DMD: variants seen among roughly 807,000 people sequenced by gnomAD.
DMD encodes mutant dystrophin.
DMD carries 63 observed loss-of-function variants against 330.1 expected under a neutral mutation model. The observed-to-expected ratio is 0.19, with a 90% CI of 0.16 to 0.24. DMD has a LOEUF of 0.24. Among genes scored for constraint, DMD ranks in the 10% least tolerant of loss-of-function variants. DMD has a pLI of 1.00. For synonymous variants in DMD, 1,223 were observed against 959.8 expected (o/e 1.27, Z -5.07); for missense variants, 3,344 against 2,684.1 (o/e 1.25, Z -5.43).
chrX:32,380,539 T>C lies in DMD; in HGVS notation c.4816A>G (p.Asn1606Asp). The change falls in exon 34 of 79, where the codon AAT becomes GAT. Residue 1606 changes from asparagine (N) to aspartate (D), a missense_variant. By Grantham distance (23) the Asn-to-Asp change is conservative. Coordinates refer to ENST00000357033, the MANE Select transcript of DMD (RefSeq NM_004006.3). ...CCCCAGGCAACTTCAGAATCCAAATTACTAGGCATTCCTTCAACTGCTGAT... is the reference window on the plus strand; with the variant it reads ...CCCCAGGCAACTTCAGAATCCAAATCACTAGGCATTCCTTCAACTGCTGAT... ...KRSAVEGMPSNLDSEVAWGKA... is the reference protein window; with the variant it reads ...KRSAVEGMPSDLDSEVAWGKA... 2 of 1,210,801 alleles carry C rather than the reference T, an allele frequency of 1.7e-6. No individual in the cohort carries two copies. Among genetic ancestry groups the C allele is most frequent in the Non-Finnish European group, 2.2e-6 (2 of 894,977 alleles).
chrX:32,005,995 G>A (rs1166930353), intron 44 of DMD, among the ~76,000 whole-genome samples: 1 of 111,437 alleles, frequency 9.0e-6, no homozygotes, highest in African/African-American at 3.3e-5. Flanking sequence ...GATTTCCTAA[G>A]TCTTCCAATA....
chrX:32,236,976 T>A lies in DMD; in HGVS notation c.6291-19913A>T, dbSNP rs939539514. ...TTTTCTTAAATTATGACATAAATCC[T>A]TTATTGTTTTAGTATTGCAAATATA... On this transcript the variant is annotated intron_variant, in intron 43 of 78. Transcript: ENST00000357033. Among the ~76,000 whole-genome samples the A allele has an allele frequency of 7.1e-5, 8 of 112,001 alleles. No homozygotes were observed. The South Asian group carries it at 3.0e-3, about 41-fold the overall frequency.
At chrX:32,578,533 G>A (rs1316702940) in intron 13 of DMD, among the ~76,000 whole-genome samples, 1 of 111,707 alleles carries the variant, frequency 9.0e-6, no homozygotes, top group Admixed American at 9.6e-5. Flanking sequence ...ATTGTTGTAC[G>A]TGCCAAGGAC....
intron 54 of DMD, among the ~76,000 whole-genome samples, chrX:31,648,413 A>G (rs995464160): frequency 9.2e-6 from 1 of 108,612 alleles, no homozygotes; most frequent in African/African-American, 3.3e-5. Context: ...AAATGCCACA[A>G]AAACACACAG....
At chrX:32,633,978 G>C (rs1263164262) in intron 11 of DMD, among the ~76,000 whole-genome samples, 1 of 111,727 alleles carries the variant, frequency 9.0e-6, no homozygotes, top group Non-Finnish European at 1.9e-5. Flanking sequence ...CGTGAGATTT[G>C]AGCAGGCACA....
chrX:31,271,923 T>G (rs773454005), intron 62 of DMD, among the ~76,000 whole-genome samples: 1 of 111,254 alleles, frequency 9.0e-6, no homozygotes, highest in Non-Finnish European at 1.9e-5. Flanking sequence ...AACCAACATC[T>G]TCTGGATGTA....
chrX:32,528,624 T>A (rs2047146157), intron 17 of DMD, among the ~76,000 whole-genome samples: 1 of 111,280 alleles, frequency 9.0e-6, no homozygotes, highest in Non-Finnish European at 1.9e-5. Context: ...CATGCCTCAT[T>A]ATACCTCTCT....
chrX:32,477,680 A>G (rs1231608574), intron 21 of DMD, among the ~76,000 whole-genome samples: 2 of 111,118 alleles, frequency 1.8e-5, no homozygotes, highest in African/African-American at 6.5e-5. Context: ...AGACATAACT[A>G]TCGAGATAAA....
intron 2 of DMD, among the ~76,000 whole-genome samples, chrX:32,921,317 G>A (rs774515840): frequency 1.5e-4 from 17 of 111,353 alleles, no homozygotes; most frequent in South Asian, 3.8e-4. Context: ...CAAAGAAAAC[G>A]AACAGAATTC....
At chrX:31,454,768 T>C (rs1390773225) in intron 59 of DMD, among the ~76,000 whole-genome samples, 1 of 110,041 alleles carries the variant, frequency 9.1e-6, no homozygotes, top group East Asian at 2.8e-4. Context: ...TTATTTTATT[T>C]TTCAGACAGG....
At chrX:32,410,474 A>G (rs2098137094) in intron 30 of DMD, among the ~76,000 whole-genome samples, 1 of 112,011 alleles carries the variant, frequency 8.9e-6, no homozygotes. Flanking sequence ...ACACCTATTA[A>G]CGGTGATTCA....
chrX:31,798,239 G>C, intron 50 of DMD, among the ~76,000 whole-genome samples: 1 of 110,922 alleles, frequency 9.0e-6, no homozygotes, highest in African/African-American at 3.3e-5. Context: ...TTTTTTGTGA[G>C]CATAAATTTA....
intron 42 of DMD, among the ~76,000 whole-genome samples, chrX:32,304,688 A>G (rs770538548): frequency 9.0e-6 from 1 of 111,515 alleles, no homozygotes; most frequent in Non-Finnish European, 1.9e-5. Context: ...ATAGCAAATC[A>G]ATCAAATAAA....
intron 7 of DMD, among the ~76,000 whole-genome samples, chrX:32,721,246 G>A (rs1027392585): frequency 6.3e-5 from 7 of 110,496 alleles, no homozygotes; most frequent in African/African-American, 2.3e-4. Flanking sequence ...GGGTCATATG[G>A]TAGTTCTATT....
rs749455003 is a variant in DMD, at chrX:32,249,609, G to A, written c.6291-32546C>T. Among the ~76,000 whole-genome samples the A allele has an allele frequency of 6.3e-5, 7 of 111,437 alleles. No individual in the cohort carries two copies. The South Asian group carries it at 2.6e-3, about 42-fold the overall frequency. On this transcript the variant is annotated intron_variant, in intron 43 of 78. Coordinates refer to ENST00000357033, the MANE Select transcript of DMD (RefSeq NM_004006.3). The stretch of plus-strand genomic sequence containing the variant: ...CTTGCCAAAAATTCACACAATCAGA[G>A]ATTGATGGAGCCACGATTCAAACTC...
intron 41 of DMD, among the ~76,000 whole-genome samples, chrX:32,324,505 C>G (rs1009321643): frequency 1.8e-5 from 2 of 111,297 alleles, no homozygotes; most frequent in African/African-American, 6.5e-5. Context: ...AAAATAATAG[C>G]ATCAAATGAA....
rs750447353 is a variant in DMD at position 31,886,983 on chromosome X, A to G, written c.6913-11610T>C. 7.2e-5 allele frequency among the ~76,000 whole-genome samples: 8 copies of G among 111,770 alleles called. No individual in the cohort carries two copies. In the East Asian group the frequency reaches 2.0e-3, roughly 28 times the overall value. On this transcript the variant is annotated intron_variant, in intron 47 of 78. Coordinates refer to ENST00000357033, the MANE Select transcript of DMD (RefSeq NM_004006.3). ...ATCAACAACATCTAATAACAACTCTATAATACAGGTAGTATTATTGTTCCC... is the reference window on the plus strand; with the variant it reads ...ATCAACAACATCTAATAACAACTCTGTAATACAGGTAGTATTATTGTTCCC...
chrX:32,263,450 C>T (rs2097331693), intron 43 of DMD, among the ~76,000 whole-genome samples: 1 of 112,418 alleles, frequency 8.9e-6, no homozygotes, highest in African/African-American at 3.2e-5. Context: ...AATATGCCAA[C>T]AGAAATTCCA....
Position 32,699,227 on chromosome X carries a change from A to C in DMD, c.716T>G (p.Leu239Trp). The C allele has an allele frequency of 8.3e-7, 1 of 1,210,124 alleles. No homozygotes were observed. Among genetic ancestry groups the C allele is most frequent in the Middle Eastern group, 2.3e-4 (1 of 4,347 alleles). ...LMYITSLFQV[L>W]PQQVSIEAIQ... ...GGCTTCAATGCTCACTTGTTGAGGC[A>C]AAACTTGGAAGAGTGATGTGATGTA... Residue 239 changes from leucine (L) to tryptophan (W), a missense_variant, in exon 8 of 79, where the codon TTG (leucine) becomes TGG (tryptophan). By Grantham distance (61) the Leu-to-Trp change is moderately conservative. Transcript: ENST00000357033.
Sources: gnomAD v4.1 joint callset for allele counts (sites outside exome capture counted in the v4.1 genomes callset) on GRCh38, gnomAD v4.1.1 for gene constraint, MANE v1.5 for transcripts, NCBI Gene and HGNC (gene_info 2026-07-23, HGNC 2026-07-21) for gene names.